PLCE1: variants seen among roughly 807,000 people sequenced by gnomAD.
PLCE1 encodes the protein phospholipase C epsilon 1.
In PLCE1, 119 loss-of-function variants were observed where a neutral mutation model predicts 242.8. That is an observed-to-expected ratio of 0.49 (90% CI 0.42 to 0.57). The LOEUF is 0.57. Ranked by LOEUF, PLCE1 falls within the 20% of genes least tolerant of loss-of-function variation. The pLI is 0.00. For synonymous variants in PLCE1, 945 were observed against 1,017.4 expected (o/e 0.93, Z 1.35); for missense variants, 2,441 against 2,788.8 (o/e 0.88, Z 2.81).
intron 16 of PLCE1, among the ~76,000 whole-genome samples, chr10:94,267,705 C>T (rs2051567520): frequency 6.6e-6 from 1 of 152,084 alleles, no homozygotes; most frequent in South Asian, 2.1e-4. Flanking sequence ...CTGGCAGGGG[C>T]ACCACAGAGA....
At chr10:94,108,930 A>T (rs2045855636) in intron 2 of PLCE1, 1 of 152,206 alleles carries the variant, frequency 6.6e-6, no homozygotes. Context: ...CACTTCACAT[A>T]TGTCGTTTCA....
rs1010088732 is a variant in PLCE1, at chr10:94,158,603, C to T, written c.1493-12577C>T. On this transcript the variant is annotated intron_variant, in intron 3 of 32. Coordinates refer to ENST00000371380, the MANE Select transcript of PLCE1 (RefSeq NM_016341.4). ...GTTATATTTACAAGATTGTTTATCA[C>T]GGTGTTATTATAATGGTAAAAAGTT... Among the ~76,000 whole-genome samples the T allele has an allele frequency of 7.9e-5, 12 of 151,678 alleles. No individual in the cohort carries two copies. In the East Asian group the frequency reaches 1.7e-3, roughly 22 times the overall value.
intron 19 of PLCE1, among the ~76,000 whole-genome samples, chr10:94,275,403 T>A (rs955706022): frequency 2.6e-5 from 4 of 152,214 alleles, no homozygotes; most frequent in Admixed American, 1.3e-4. Flanking sequence ...TATTCTTGAA[T>A]TCGTCAATCT....
chr10:94,071,841 T>C (rs916492640), intron 2 of PLCE1, among the ~76,000 whole-genome samples: 4 of 152,080 alleles, frequency 2.6e-5, no homozygotes, highest in Non-Finnish European at 5.9e-5. Flanking sequence ...CCCCTCTATT[T>C]GTTATCACTC....
intron 3 of PLCE1, among the ~76,000 whole-genome samples, chr10:94,151,988 C>T (rs1277107176): frequency 6.6e-6 from 1 of 152,104 alleles, no homozygotes; most frequent in Non-Finnish European, 1.5e-5. Flanking sequence ...GACCCCCTAC[C>T]TCTCACCATA....
chr10:94,169,902 A>T (rs975635605), intron 3 of PLCE1, among the ~76,000 whole-genome samples: 1 of 152,232 alleles, frequency 6.6e-6, no homozygotes, highest in Non-Finnish European at 1.5e-5. Flanking sequence ...GGTGAGTGCC[A>T]TCTAAAATGC....
Position 94,049,032 on chromosome 10 carries a change from G to T in PLCE1, c.1206+16780G>T, listed in dbSNP as rs191500111. 4.0e-3 allele frequency among the ~76,000 whole-genome samples: 604 copies of T among 152,038 alleles called. 6 individuals carry two copies. In the South Asian group the frequency reaches 0.054, roughly 14 times the overall value. ...TCCTGCCTCAGCCTTCCAGAATACT[G>T]GGATTATAGGCATGAGCCAGTGTGC... On this transcript the variant is annotated intron_variant, in intron 2 of 32. Transcript: ENST00000371380.
At chr10:94,248,618 C>T (rs958401719) in intron 8 of PLCE1, among the ~76,000 whole-genome samples, 7 of 151,640 alleles carry the variant, frequency 4.6e-5, no homozygotes, top group African/African-American at 9.7e-5. Flanking sequence ...AAAAAATACC[C>T]GCCTCCTGTG....
chr10:94,138,672 G>A (rs999918492), intron 3 of PLCE1: 170 of 317,066 alleles, frequency 5.4e-4, no homozygotes, highest in Admixed American at 1.2e-3. Flanking sequence ...TACATCATTC[G>A]CAATGTCACC....
intron 4 of PLCE1, among the ~76,000 whole-genome samples, chr10:94,183,746 C>T (rs979204890): frequency 5.9e-5 from 9 of 152,130 alleles, no homozygotes; most frequent in Non-Finnish European, 1.2e-4. Context: ...CTGGTGAGGC[C>T]TCGGAGCTTT....
At position 94,327,139 on chromosome 10, in the gene PLCE1, C is replaced by T. The variant is rs150466922; in HGVS notation, c.*25-829C>T. On this transcript the variant is annotated intron_variant, in intron 32 of 32. Coordinates refer to ENST00000371380, the MANE Select transcript of PLCE1 (RefSeq NM_016341.4). ...ATTGCGCCACTGCACTCCAGCCTAGCGACAGAGCGAGACTCCGTCTCAAAA... is the reference window on the plus strand; with the variant it reads ...ATTGCGCCACTGCACTCCAGCCTAGTGACAGAGCGAGACTCCGTCTCAAAA... Among the ~76,000 whole-genome samples the T allele has an allele frequency of 8.0e-3, 1,221 of 152,088 alleles. 15 individuals carry two copies. Among genetic ancestry groups the T allele is most frequent in the African/African-American group, 0.028 (1,152 of 41,492 alleles).
intron 2 of PLCE1, among the ~76,000 whole-genome samples, chr10:94,055,738 G>C (rs980441107): frequency 6.6e-6 from 1 of 152,154 alleles, no homozygotes; most frequent in Non-Finnish European, 1.5e-5. Context: ...ATAAAGTATT[G>C]ATGGTAATGA....
At chr10:94,007,622 A>G (rs1231688058) in intron 1 of PLCE1, among the ~76,000 whole-genome samples, 1 of 143,910 alleles carries the variant, frequency 6.9e-6, no homozygotes, top group African/African-American at 2.6e-5. Flanking sequence ...AGAAGAGTGA[A>G]TACATTCTTG....
intron 4 of PLCE1, among the ~76,000 whole-genome samples, chr10:94,186,159 T>G (rs1461793995): frequency 6.6e-6 from 1 of 152,224 alleles, no homozygotes; most frequent in African/African-American, 2.4e-5. Context: ...CTTCAGAACT[T>G]ACGTCATCTG....
At chr10:94,281,382 A>G (rs930927107) in intron 20 of PLCE1, among the ~76,000 whole-genome samples, 5 of 151,514 alleles carry the variant, frequency 3.3e-5, no homozygotes, top group African/African-American at 1.2e-4. Flanking sequence ...GATTTCACAT[A>G]AAGAAATAAC....
intron 1 of PLCE1, among the ~76,000 whole-genome samples, chr10:94,003,629 G>A (rs2134196837): frequency 6.6e-6 from 1 of 152,214 alleles, no homozygotes; most frequent in African/African-American, 2.4e-5. Flanking sequence ...AGTGTGCATA[G>A]ATTGAATTCC....
intron 2 of PLCE1, among the ~76,000 whole-genome samples, chr10:94,094,329 C>T (rs1158583374): frequency 1.7e-5 from 1 of 60,430 alleles, no homozygotes; most frequent in Non-Finnish European, 2.6e-5. Context: ...TAGAGAGAAA[C>T]AGTAAACAAT....
intron 2 of PLCE1, among the ~76,000 whole-genome samples, chr10:94,043,012 TC>T (rs1331669198): frequency 6.6e-6 from 1 of 152,194 alleles, no homozygotes; most frequent in Non-Finnish European, 1.5e-5. Context: ...CAGTAGCATT[TC>T]TTTCCATAAT....
Position 94,269,094 on chromosome 10 carries a change from C to CTTT in PLCE1, c.4389+81_4389+83dup, listed in dbSNP as rs71031565. The CTTT allele has an allele frequency of 1.1e-3, 342 of 312,882 alleles. 3 individuals carry two copies. The highest frequency in any genetic ancestry group is 3.1e-3 in the African/African-American group (78 of 25,234). 19.4% of individuals were successfully genotyped at this position (312,882 alleles called of 1,614,324 possible). ...ACAAAGAGACATTATCTTCATTTGT[C>CTTT]TTTTTTTTTTTTTTTTTTTTTTTTT... On this transcript the variant is annotated intron_variant, in intron 17 of 32. Coordinates refer to ENST00000371380, the MANE Select transcript of PLCE1 (RefSeq NM_016341.4).
Sources: gnomAD v4.1 joint callset for allele counts (sites outside exome capture counted in the v4.1 genomes callset) on GRCh38, gnomAD v4.1.1 for gene constraint, MANE v1.5 for transcripts, NCBI Gene and HGNC (gene_info 2026-07-23, HGNC 2026-07-21) for gene names.